Variants in PFKFB3 observed in about 807,000 individuals in gnomAD.
PFKFB3 encodes 6-phosphofructo-2-kinase/fructose-2,6-biphosphatase 3, also known as 6-phosphofructo-2-kinase/fructose-2,6-bisphosphatase 3.
Under a neutral mutation model 68.0 loss-of-function variants are expected in PFKFB3, and 33 were observed. That is an observed-to-expected ratio of 0.49 (90% CI 0.37 to 0.65). The LOEUF (loss-of-function observed/expected upper bound fraction) is 0.65. PFKFB3 is among the 30% of genes least tolerant of loss of function. PFKFB3 has a pLI of 0.00. For missense variants in PFKFB3, 586 were observed against 712.2 expected, an observed-to-expected ratio of 0.82 and a Z score of 2.02; for synonymous variants, 315 against 288.2, an observed-to-expected ratio of 1.09 and a Z score of -0.94.
At chr10:6,282,827 TAA>T in the PFKFB3 span, among the ~76,000 whole-genome samples, 1 of 152,242 alleles carries the variant, frequency 6.6e-6, no homozygotes, top group Non-Finnish European at 1.5e-5. Context: ...AGTTCAGCGA[TAA>T]GAGTATAGAA....
At chr10:6,297,348 G>T in the PFKFB3 span, among the ~76,000 whole-genome samples, 2 of 152,208 alleles carry the variant, frequency 1.3e-5, no homozygotes, top group African/African-American at 4.8e-5. Flanking sequence ...TAGGACACAG[G>T]GATGATGCTT....
rs199594802 is a variant in PFKFB3 at position 6,223,992 on chromosome 10, C to A, written c.1248C>A (p.Thr416=). 1 of 1,614,196 alleles carries A rather than the reference C, an allele frequency of 6.2e-7. No homozygotes were observed. Among genetic ancestry groups the A allele is most frequent in the South Asian group, 1.1e-5 (1 of 91,080 alleles). ...CCTACCTGAAATGCCCTCTTCACAC[C>A]GTCCTGAAACTGACGCCTGTCGCTT... ...EMPYLKCPLH[T]VLKLTPVAYG... is the part of the protein sequence containing the mutation. Residue 416 remains threonine, a synonymous_variant, in exon 12 of 15, where the codon ACC becomes ACA. Coordinates refer to ENST00000379775, the MANE Select transcript of PFKFB3 (RefSeq NM_004566.4).
chr10:6,159,106 C>A (rs1841894034), intron 1 of PFKFB3, among the ~76,000 whole-genome samples: 1 of 152,186 alleles, frequency 6.6e-6, no homozygotes, highest in Admixed American at 6.5e-5. Context: ...TAAAAAATCC[C>A]AAAACAGGCC....
Position 6,208,371 on chromosome 10 carries a change from CTTTT to C in PFKFB3, c.76+5054_76+5057del, listed in dbSNP as rs35447462. On this transcript the variant is annotated intron_variant, in intron 1 of 14. Coordinates refer to ENST00000379775, the MANE Select transcript of PFKFB3 (RefSeq NM_004566.4). ...ACAGGTGTAAGCCAGGGTACCTGGCCTTTTTTTTTTTTTTTTTTTTTTGCCTCTT... is the reference window on the plus strand; with the variant it reads ...ACAGGTGTAAGCCAGGGTACCTGGCCTTTTTTTTTTTTTTTTTTGCCTCTT... 7.6e-4 allele frequency among the ~76,000 whole-genome samples: 46 copies of C among 60,626 alleles called. 1 individual carries two copies. The highest frequency in any genetic ancestry group is 2.3e-3 in the African/African-American group (34 of 14,958). 39.8% of individuals were successfully genotyped at this position (60,626 alleles called of 152,430 possible). A position where few individuals can be genotyped will look rare whatever the true frequency, so the allele number is the denominator to read the frequency against.
At chr10:6,222,504 G>C (rs1196468489) in intron 10 of PFKFB3, among the ~76,000 whole-genome samples, 1 of 152,112 alleles carries the variant, frequency 6.6e-6, no homozygotes, top group African/African-American at 2.4e-5. Flanking sequence ...AGCCGCTCCC[G>C]CCTGCCCGGC....
chr10:6,215,261 G>C lies in PFKFB3; in HGVS notation c.243G>C (p.Gln81His). 6.2e-7 allele frequency: 1 copy of C among 1,614,052 alleles called. No individual in the cohort carries two copies. Among genetic ancestry groups the C allele is most frequent in the South Asian group, 1.1e-5 (1 of 91,078 alleles). ...VGEYRREAVK[Q>H]YSSYNFFRPD... Reference sequence around the variant, plus strand: ...AGTATCGCCGGGAGGCTGTGAAGCAGTACAGCTCCTACAACTTCTTCCGCC... The same window carrying C: ...AGTATCGCCGGGAGGCTGTGAAGCACTACAGCTCCTACAACTTCTTCCGCC... Residue 81 changes from glutamine to histidine, a missense_variant, in exon 3 of 15, where the codon CAG (glutamine) becomes CAC (histidine). Transcript: ENST00000379775. The surrounding 1 kb of genome is among the most constrained non-coding windows in gnomAD (Gnocchi z 4.3).
chr10:6,239,742 C>T (rs188616852), downstream of PFKFB3, among the ~76,000 whole-genome samples: 9 of 152,230 alleles, frequency 5.9e-5, no homozygotes, highest in Non-Finnish European at 5.9e-5. Flanking sequence ...GGCATGATGT[C>T]GATTCACTGC....
At chr10:6,157,285 G>A (rs1376611878) in intron 1 of PFKFB3, among the ~76,000 whole-genome samples, 1 of 150,462 alleles carries the variant, frequency 6.6e-6, no homozygotes, top group Non-Finnish European at 1.5e-5. Context: ...GGAGTGCAGT[G>A]GCGCGATCTC....
At chr10:6,180,473 T>C (rs558715978) in intron 1 of PFKFB3, among the ~76,000 whole-genome samples, 1 of 152,348 alleles carries the variant, frequency 6.6e-6, no homozygotes, top group South Asian at 2.1e-4. Flanking sequence ...GTTGCTGTTT[T>C]GTTTTGTTTT....
chr10:6,257,500 G>A (rs550851438), downstream of PFKFB3, among the ~76,000 whole-genome samples: 1 of 152,324 alleles, frequency 6.6e-6, no homozygotes, highest in South Asian at 2.1e-4. Context: ...GACCATGGTA[G>A]GGACTTGTAA....
chr10:6,226,885 A>G (rs1041392488), intron 14 of PFKFB3, among the ~76,000 whole-genome samples: 5 of 152,362 alleles, frequency 3.3e-5, no homozygotes, highest in Middle Eastern at 3.4e-3. Context: ...CAAGAGTTCC[A>G]GACCAGCCTG....
At chr10:6,292,266 CTTTTTTTTTTTCTTTTTTT>C in the PFKFB3 span, among the ~76,000 whole-genome samples, 2 of 107,264 alleles carry the variant, frequency 1.9e-5, no homozygotes, top group Admixed American at 1.1e-4. Flanking sequence ...AACCAGTGTA[CTTTTTTTTTTTCTTTTTTT>C]TTTTTTTTTT....
At chr10:6,223,768 T>C (rs1845130834) in intron 11 of PFKFB3, among the ~76,000 whole-genome samples, 190 bp from the exon 12 acceptor site, 1 of 152,202 alleles carries the variant, frequency 6.6e-6, no homozygotes, top group African/African-American at 2.4e-5. Flanking sequence ...ACGCATGTGC[T>C]ACCACACCCT....
rs372302650 is a variant in PFKFB3 at position 6,217,210 on chromosome 10, C to A, written c.498+19C>A. The A allele has an allele frequency of 3.7e-4, 591 of 1,611,296 alleles. 4 individuals are homozygous for A. Among genetic ancestry groups the A allele is most frequent in the Middle Eastern group, 1.3e-3 (8 of 6,058 alleles). ...TATCATGGTAAGACAGCCGGGAGCC[C>A]CGTGCTTCTGCGGCAGCGTAGACCA... On this transcript the variant is annotated intron_variant, in intron 6 of 14. Coordinates refer to ENST00000379775, the MANE Select transcript of PFKFB3 (RefSeq NM_004566.4).
intron 1 of PFKFB3, among the ~76,000 whole-genome samples, chr10:6,151,280 G>A (rs1246517500): frequency 6.6e-6 from 1 of 151,984 alleles, no homozygotes; most frequent in African/African-American, 2.4e-5. Flanking sequence ...TGTCTGAAGA[G>A]CAGCGGGGTT....
intron 14 of PFKFB3, among the ~76,000 whole-genome samples, chr10:6,226,611 A>G (rs1845377010): frequency 6.6e-6 from 1 of 152,154 alleles, no homozygotes; most frequent in Non-Finnish European, 1.5e-5. Context: ...GCTGGTGACA[A>G]CCGTGACTGC....
the PFKFB3 span, among the ~76,000 whole-genome samples, chr10:6,307,256 C>T: frequency 1.3e-5 from 2 of 151,924 alleles, 1 homozygote; most frequent in African/African-American, 4.8e-5. Flanking sequence ...CCCCCAGAAT[C>T]CCATGAGCCA....
chr10:6,164,879 A>G (rs1157254613), intron 1 of PFKFB3, among the ~76,000 whole-genome samples: 1 of 152,140 alleles, frequency 6.6e-6, no homozygotes, highest in Non-Finnish European at 1.5e-5. Flanking sequence ...GCCTACAGCC[A>G]CAGGGCGGTT....
chr10:6,188,462 AC>A (rs1415425141), intron 1 of PFKFB3, among the ~76,000 whole-genome samples: 1 of 151,502 alleles, frequency 6.6e-6, no homozygotes, highest in Non-Finnish European at 1.5e-5. Flanking sequence ...TTTTTTTTAA[AC>A]ATTTTTTTTC....
Sources: gnomAD v4.1 joint callset for allele counts (sites outside exome capture counted in the v4.1 genomes callset) on GRCh38, gnomAD v4.1.1 for gene constraint, Gnocchi (gnomAD v3.1) non-coding constraint, MANE v1.5 for transcripts, NCBI Gene and HGNC (gene_info 2026-07-23, HGNC 2026-07-21) for gene names.